IQCE: variants seen among roughly 807,000 people sequenced by gnomAD.
The protein encoded by IQCE is IQ motif containing E.
Under a neutral mutation model 96.0 loss-of-function variants are expected in IQCE, and 115 were observed. The ratio of observed to expected loss-of-function variants is 1.20; its 90% CI spans 1.03 to 1.40. The LOEUF is 1.40. Among genes scored for constraint, IQCE ranks in the 40% most tolerant of loss-of-function variants. The probability of loss-of-function intolerance (pLI) is 0.00; values close to 1 mark genes in which losing one functional copy is unlikely to be tolerated. For synonymous variants in IQCE, 412 were observed against 371.2 expected, an observed-to-expected ratio of 1.11 and a Z score of -1.26; for missense variants, 1,041 against 909.1, an observed-to-expected ratio of 1.15 and a Z score of -1.87.
In IQCE at chr7:2,571,699, G is replaced by T. The variant is rs779388803; in HGVS notation, c.259+45G>T. ...GAGACCCTTCCTGCTTGAGAGAAGA[G>T]TTCGAGAAATTTCAGGGAGTGGTTT... is the stretch of plus-strand genomic sequence containing the variant. On this transcript the variant is annotated intron_variant, in intron 4 of 21. Transcript: ENST00000402050. 7 of 1,567,112 alleles carry T rather than the reference G, an allele frequency of 4.5e-6. No homozygotes were observed. In the African/African-American group the frequency reaches 9.5e-5, roughly 21 times the overall value.
Position 2,565,257 on chromosome 7 carries a change from G to A in IQCE, c.37-1859G>A, listed in dbSNP as rs111635022. Among the ~76,000 whole-genome samples the A allele has an allele frequency of 2.9e-5, 3 of 104,800 alleles. No individual in the cohort carries two copies. In the South Asian group the frequency reaches 7.0e-4, roughly 24 times the overall value. The allele number at this position is 104,800 out of a possible 152,430, so 68.8% of individuals were successfully genotyped here. On this transcript the variant is annotated intron_variant, in intron 1 of 21. Transcript: ENST00000402050. Reference sequence around the variant, plus strand: ...TGTGTGCGTGTGTGTGTGTGCATGCGTGTGTGTGTGTGCGCTGTGTATGAT... The same window carrying A: ...TGTGTGCGTGTGTGTGTGTGCATGCATGTGTGTGTGTGCGCTGTGTATGAT...
At chr7:2,586,021 G>A (rs1381981795) in intron 11 of IQCE, among the ~76,000 whole-genome samples, 187 bp from the exon 12 acceptor site, 2 of 100,478 alleles carry the variant, frequency 2.0e-5, no homozygotes, top group African/African-American at 3.4e-5. Flanking sequence ...TCCATTTTGG[G>A]TGCTAACATT....
At chr7:2,597,604 C>A (rs1784142686) in intron 16 of IQCE, among the ~76,000 whole-genome samples, 1 of 152,240 alleles carries the variant, frequency 6.6e-6, no homozygotes, top group Admixed American at 6.5e-5. Context: ...GAGGCCTTTT[C>A]ATTTGTATTG....
chr7:2,609,366 GA>G (rs1339961267), intron 21 of IQCE, among the ~76,000 whole-genome samples: 1 of 150,070 alleles, frequency 6.7e-6, no homozygotes, highest in African/African-American at 2.5e-5. Flanking sequence ...GGCTGGTCTG[GA>G]ACTCCTGGGT....
intron 1 of IQCE, among the ~76,000 whole-genome samples, chr7:2,563,865 GC>G (rs1379743149): frequency 1.5e-5 from 2 of 134,362 alleles, no homozygotes; most frequent in African/African-American, 5.8e-5. Context: ...CTGCCCTCCA[GC>G]CTGGGTGAGA....
At chr7:2,594,311 A>T (rs1419057406) in intron 15 of IQCE, among the ~76,000 whole-genome samples, 1 of 152,254 alleles carries the variant, frequency 6.6e-6, no homozygotes, top group Non-Finnish European at 1.5e-5. Context: ...ATCTGACTGA[A>T]TTCTGTCAGA....
chr7:2,589,017 G>A lies in IQCE; in HGVS notation c.1045-890G>A, dbSNP rs139302886. Among the ~76,000 whole-genome samples the A allele has an allele frequency of 1.1e-4, 16 of 152,154 alleles. 1 individual carries two copies. The highest frequency in any genetic ancestry group is 3.9e-4 in the African/African-American group (16 of 41,480). ...TAGAGCATCTGTGTTGTTTGGCCAA[G>A]CAAAATAAACCTAGAGGGAAAAACG... On this transcript the variant is annotated intron_variant, in intron 13 of 21. Transcript: ENST00000402050.
intron 15 of IQCE, 44 bp from the exon 16 acceptor site, chr7:2,594,842 A>G (rs1358030074): frequency 1.4e-6 from 2 of 1,380,618 alleles, no homozygotes; most frequent in Admixed American, 1.7e-5. Context: ...CCTTCATCAC[A>G]TAGTGACAGG....
intron 5 of IQCE, 60 bp downstream of exon 5, chr7:2,572,386 C>T: frequency 6.4e-7 from 1 of 1,555,300 alleles, no homozygotes. Context: ...AAAGGACAGT[C>T]TCTGGGCTGG....
intron 8 of IQCE, among the ~76,000 whole-genome samples, chr7:2,578,850 C>T (rs565576333): frequency 1.3e-5 from 2 of 152,282 alleles, no homozygotes; most frequent in East Asian, 1.9e-4. Context: ...CACTTGAGGT[C>T]AGGAGTTCGA....
Position 2,593,007 on chromosome 7 carries a change from T to A in IQCE, c.1245-15T>A. On this transcript the variant is annotated splice_polypyrimidine_tract_variant and intron_variant, in intron 14 of 21. Transcript: ENST00000402050. ...TTTTTGTGAACGCTGACGAGTCTCC[T>A]ATTCTTGTGTGCAGTTTGGAGGTGA... 6.3e-7 allele frequency: 1 copy of A among 1,588,616 alleles called. No homozygotes were observed. The highest frequency in any genetic ancestry group is 8.6e-7 in the Non-Finnish European group (1 of 1,162,432).
At chr7:2,595,182 T>C (rs1291606746) in intron 16 of IQCE, among the ~76,000 whole-genome samples, 1 of 152,226 alleles carries the variant, frequency 6.6e-6, no homozygotes, top group East Asian at 1.9e-4. Context: ...AATTGACTTC[T>C]CGAACTGATA....
intron 1 of IQCE, among the ~76,000 whole-genome samples, chr7:2,565,774 T>C (rs567895574): frequency 1.3e-5 from 2 of 152,266 alleles, no homozygotes; most frequent in Non-Finnish European, 2.9e-5. Flanking sequence ...TCTTAAAAGG[T>C]CACCTTAAAT....
At chr7:2,570,374 T>C (rs966893379) in intron 3 of IQCE, among the ~76,000 whole-genome samples, 18 of 151,946 alleles carry the variant, frequency 1.2e-4, no homozygotes, top group Non-Finnish European at 1.9e-4. Flanking sequence ...GGAAATGTAA[T>C]GTGTAGGGCT....
At position 2,598,556 on chromosome 7, in the gene IQCE, G is replaced by A. The variant is rs201141275; in HGVS notation, c.1532G>A (p.Arg511His). The A allele has an allele frequency of 4.6e-5, 74 of 1,609,702 alleles. No individual in the cohort carries two copies. The highest frequency in any genetic ancestry group is 4.4e-4 in the South Asian group (40 of 90,556). ...AGCGAGGAGGGGCTCCCGCGGCCCCGCTCCCCCTGCTCTGATGGGAGAAGA... is the reference window on the plus strand; with the variant it reads ...AGCGAGGAGGGGCTCCCGCGGCCCCACTCCCCCTGCTCTGATGGGAGAAGA... Reference protein sequence around the residue: ...DSSEEGLPRPRSPCSDGRRDA... With the variant: ...DSSEEGLPRPHSPCSDGRRDA... Residue 511 changes from arginine (R) to histidine (H), a missense_variant, in exon 17 of 22, where the codon CGC becomes CAC. By Grantham distance (29) the Arg-to-His change is conservative. Coordinates refer to ENST00000402050, the MANE Select transcript of IQCE (RefSeq NM_152558.5).
chr7:2,573,008 A>G (rs948779634), intron 5 of IQCE, among the ~76,000 whole-genome samples: 6 of 152,220 alleles, frequency 3.9e-5, no homozygotes, highest in African/African-American at 1.4e-4. Flanking sequence ...TATACTAGGT[A>G]TCATTAAAAC....
chr7:2,563,032 C>T (rs567006296), intron 1 of IQCE, among the ~76,000 whole-genome samples: 2 of 151,980 alleles, frequency 1.3e-5, no homozygotes, highest in South Asian at 4.2e-4. Context: ...CTTGAGTGAT[C>T]CTCCTGCCTC....
At chr7:2,590,281 C>T (rs1455416537) in intron 14 of IQCE, among the ~76,000 whole-genome samples, 175 bp downstream of exon 14, 3 of 152,192 alleles carry the variant, frequency 2.0e-5, no homozygotes, top group African/African-American at 7.2e-5. Flanking sequence ...GAGAGTAGAT[C>T]CTCCCCAGGC....
At chr7:2,606,044 G>C in intron 20 of IQCE, 47 bp downstream of exon 20, 1 of 1,563,268 alleles carries the variant, frequency 6.4e-7, no homozygotes, top group South Asian at 1.2e-5. Context: ...GGCACGAGAG[G>C]CTGCCCACCG....
Sources: allele counts gnomAD v4.1 joint callset (sites outside exome capture counted in the v4.1 genomes callset), GRCh38; gene constraint gnomAD v4.1.1; transcripts MANE v1.5; gene names NCBI Gene and HGNC (gene_info 2026-07-23, HGNC 2026-07-21).